EYS: variants seen among roughly 807,000 people sequenced by gnomAD.
EYS encodes the protein EGF-like photoreceptor maintenance factor, also known as protein eyes shut homolog.
A neutral mutation model predicts 282.1 loss-of-function variants in EYS; 250 were observed. The ratio of observed to expected loss-of-function variants is 0.89; its 90% confidence interval spans 0.80 to 0.98. The LOEUF (loss-of-function observed/expected upper bound fraction) is 0.98. EYS is among the 50% of genes least tolerant of loss of function. The pLI is 0.00. For missense variants in EYS, 4,016 were observed against 3,709.0 expected (o/e 1.08, Z -2.15); for synonymous variants, 1,355 against 1,282.9 (o/e 1.06, Z -1.20).
At chr6:65,022,141 C>G (rs923387151) in intron 13 of EYS, among the ~76,000 whole-genome samples, 1 of 152,176 alleles carries the variant, frequency 6.6e-6, no homozygotes, top group Non-Finnish European at 1.5e-5. Flanking sequence ...AGCGTCTATC[C>G]ATTAGCATCC....
chr6:63,769,050 C>T (rs949738768), intron 40 of EYS, among the ~76,000 whole-genome samples: 11 of 151,838 alleles, frequency 7.2e-5, no homozygotes, highest in Non-Finnish European at 1.3e-4. Flanking sequence ...CAAATGGGAA[C>T]GATAGGCACT....
At position 64,532,135 on chromosome 6, in the gene EYS, A is replaced by C. The variant is rs953860938; in HGVS notation, c.5644+58088T>G. Among the ~76,000 whole-genome samples, 57 of 152,208 alleles carry C rather than the reference A, an allele frequency of 3.7e-4. 2 individuals carry two copies. The highest frequency in any genetic ancestry group is 2.9e-5 in the Non-Finnish European group (2 of 68,038). ...AGTCTGGCAGGACTAGACAGCAATAAAATTTTCCAGTAACCCACAAAGTCA... is the reference window on the plus strand; with the variant it reads ...AGTCTGGCAGGACTAGACAGCAATACAATTTTCCAGTAACCCACAAAGTCA... On this transcript the variant is annotated intron_variant, in intron 26 of 42. Transcript: ENST00000503581.
In EYS at chr6:65,412,809, AAT is replaced by A. The variant is rs772118523; in HGVS notation, c.863-7444_863-7443del. 9.9e-5 allele frequency among the ~76,000 whole-genome samples: 15 copies of A among 152,218 alleles called. No homozygotes were observed. The East Asian group carries it at 2.5e-3, about 25-fold the overall frequency. On this transcript the variant is annotated intron_variant, in intron 5 of 42. Transcript: ENST00000503581. Reference sequence around the variant, plus strand: ...TCTTAACATGGTATTTCTAGAAAAAAATAGTTTATTTTTATGAACACTGATTT... The same window carrying A: ...TCTTAACATGGTATTTCTAGAAAAAAAGTTTATTTTTATGAACACTGATTT...
chr6:65,602,140 A>G (rs1300713214), intron 2 of EYS, among the ~76,000 whole-genome samples: 9 of 151,906 alleles, frequency 5.9e-5, no homozygotes, highest in Non-Finnish European at 1.0e-4. Context: ...TCAACAATTT[A>G]AAGTATCTTG....
intron 10 of EYS, among the ~76,000 whole-genome samples, chr6:65,342,784 T>C (rs1008318964): frequency 6.6e-6 from 1 of 150,762 alleles, no homozygotes; most frequent in Non-Finnish European, 1.5e-5. Context: ...TATATTTGCG[T>C]ATTTTCTTGA....
intron 2 of EYS, among the ~76,000 whole-genome samples, chr6:65,612,663 T>C (rs1203431038): frequency 1.3e-5 from 2 of 151,780 alleles, no homozygotes; most frequent in Admixed American, 1.3e-4. Context: ...TTGTGGATAT[T>C]GGTATTACAT....
chr6:64,944,491 T>TA (rs955392188), intron 15 of EYS, among the ~76,000 whole-genome samples: 4 of 152,020 alleles, frequency 2.6e-5, no homozygotes, highest in African/African-American at 9.7e-5. Flanking sequence ...AAATATAGTC[T>TA]GAAACCAGGG....
At chr6:65,376,648 T>A (rs116247323) in intron 8 of EYS, among the ~76,000 whole-genome samples, 4,420 of 152,152 alleles carry the variant, frequency 0.029, 93 homozygotes, top group South Asian at 0.055. Context: ...CGCAAAGACA[T>A]GTATAGGCTC....
chr6:64,752,098 A>G (rs1016422510), intron 22 of EYS, among the ~76,000 whole-genome samples: 1 of 151,902 alleles, frequency 6.6e-6, no homozygotes, highest in Non-Finnish European at 1.5e-5. Flanking sequence ...AAACAAACAA[A>G]CCGTGTTACA....
intron 11 of EYS, among the ~76,000 whole-genome samples, chr6:65,333,742 C>T (rs1433542046): frequency 7.2e-6 from 1 of 139,540 alleles, no homozygotes; most frequent in Non-Finnish European, 1.6e-5. Flanking sequence ...TATATATATA[C>T]ACACACATAT....
chr6:65,401,380 G>T (rs1766487801), intron 7 of EYS, among the ~76,000 whole-genome samples: 1 of 149,898 alleles, frequency 6.7e-6, no homozygotes, highest in Non-Finnish European at 1.5e-5. Context: ...TTTATGTTTG[G>T]GGAGGAGATG....
intron 31 of EYS, among the ~76,000 whole-genome samples, chr6:64,154,821 G>A (rs931904968): frequency 6.6e-5 from 10 of 152,116 alleles, no homozygotes; most frequent in Admixed American, 1.3e-4. Context: ...TATGTCATGA[G>A]GTGTGTGTTT....
At chr6:64,758,489 T>C (rs1773050828) in intron 22 of EYS, among the ~76,000 whole-genome samples, 1 of 152,138 alleles carries the variant, frequency 6.6e-6, no homozygotes, top group African/African-American at 2.4e-5. Flanking sequence ...GGAAAGAGTT[T>C]ACGACAATCC....
At chr6:64,114,895 A>G (rs1003869394) in intron 31 of EYS, among the ~76,000 whole-genome samples, 1 of 152,072 alleles carries the variant, frequency 6.6e-6, no homozygotes, top group African/African-American at 2.4e-5. Flanking sequence ...ACAAGAAGCT[A>G]CAGATGTGCT....
chr6:64,970,516 C>T (rs1483909185), intron 14 of EYS, among the ~76,000 whole-genome samples: 1 of 152,078 alleles, frequency 6.6e-6, no homozygotes, highest in East Asian at 1.9e-4. Flanking sequence ...AATTTTATAA[C>T]CACCTCCTGT....
intron 30 of EYS, among the ~76,000 whole-genome samples, chr6:64,234,200 A>C (rs1766514424): frequency 1.3e-5 from 2 of 152,222 alleles, no homozygotes; most frequent in African/African-American, 4.8e-5. Context: ...AGAGTAGTAA[A>C]ATAAATGAAT....
intron 5 of EYS, among the ~76,000 whole-genome samples, chr6:65,474,575 A>G (rs1765332674): frequency 6.6e-6 from 1 of 152,088 alleles, no homozygotes. Flanking sequence ...GCCATGTAGA[A>G]AGTCAGTATG....
intron 22 of EYS, among the ~76,000 whole-genome samples, chr6:64,687,533 C>A (rs1770201963): frequency 6.6e-6 from 1 of 152,116 alleles, no homozygotes; most frequent in Non-Finnish European, 1.5e-5. Context: ...TATTGATTTG[C>A]ATATGTTGAA....
intron 2 of EYS, among the ~76,000 whole-genome samples, chr6:65,568,666 A>C (rs940505747): frequency 1.3e-5 from 2 of 152,200 alleles, no homozygotes; most frequent in African/African-American, 4.8e-5. Flanking sequence ...CATGTCCTCC[A>C]AGCTGCTTTT....
Sources: allele counts gnomAD v4.1 joint callset (sites outside exome capture counted in the v4.1 genomes callset), GRCh38; gene constraint gnomAD v4.1.1; transcripts MANE v1.5; gene names NCBI Gene and HGNC (gene_info 2026-07-23, HGNC 2026-07-21).